The following XIRP2 variants were observed in gnomAD, a reference collection of about 807,000 sequenced individuals.
XIRP2 encodes the protein xin actin binding repeat containing 2, also known as xin actin-binding repeat-containing protein 2.
Under a neutral mutation model 277.0 loss-of-function variants are expected in XIRP2, and 236 were observed. The ratio of observed to expected loss-of-function variants is 0.85; its 90% CI spans 0.77 to 0.95. XIRP2 has a LOEUF of 0.95. XIRP2 is among the 40% of genes least tolerant of loss of function. The pLI is 0.00. For synonymous variants in XIRP2, 1,490 were observed against 1,416.5 expected, an observed-to-expected ratio of 1.05 and a Z score of -1.17; for missense variants, 4,640 against 4,157.5, an observed-to-expected ratio of 1.12 and a Z score of -3.19.
At chr2:167,129,731 G>A (rs1208896927) in intron 2 of XIRP2, among the ~76,000 whole-genome samples, 4 of 151,834 alleles carry the variant, frequency 2.6e-5, no homozygotes, top group South Asian at 2.1e-4. Flanking sequence ...TTAGGCAGGC[G>A]TGGTGGCGCA....
At chr2:166,917,825 T>C (rs1684930874) in intron 2 of XIRP2, among the ~76,000 whole-genome samples, 1 of 152,134 alleles carries the variant, frequency 6.6e-6, no homozygotes, top group South Asian at 2.1e-4. Flanking sequence ...TTACCCAGCC[T>C]ATCTTTCTTA....
At chr2:167,205,033 TC>T (rs1693817368) in intron 3 of XIRP2, among the ~76,000 whole-genome samples, 1 of 152,176 alleles carries the variant, frequency 6.6e-6, no homozygotes, top group Non-Finnish European at 1.5e-5. Context: ...CACAGTTTCA[TC>T]CCCTTTCTGC....
rs1389385656 is a variant in XIRP2 at position 167,242,903 on chromosome 2, A to G, written c.1511A>G (p.His504Arg). 2 of 1,614,064 alleles carry G rather than the reference A, an allele frequency of 1.2e-6. No homozygotes were observed. The highest frequency in any genetic ancestry group is 1.1e-5 in the South Asian group (1 of 91,058). ...TATGAATTAAACCGTTTATATAAAC[A>G]CATCCATCCTGAGTTAAGAAAAAAC... Reference protein sequence around the residue: ...NLYELNRLYKHIHPELRKNLE... With the variant: ...NLYELNRLYKRIHPELRKNLE... Residue 504 changes from histidine (H) to arginine (R), a missense_variant, in exon 9 of 11, where the codon CAC becomes CGC. By Grantham distance (29) the His-to-Arg change is conservative. Transcript: ENST00000409195.
chr2:167,010,140 C>G (rs1221051183), intron 2 of XIRP2, among the ~76,000 whole-genome samples: 2 of 152,100 alleles, frequency 1.3e-5, no homozygotes, highest in Non-Finnish European at 2.9e-5. Flanking sequence ...AGTCCTTGCC[C>G]ATGCCTATGT....
intron 2 of XIRP2, among the ~76,000 whole-genome samples, chr2:167,099,429 A>C (rs1690425763): frequency 6.6e-6 from 1 of 152,158 alleles, no homozygotes; most frequent in African/African-American, 2.4e-5. Flanking sequence ...AAGACAGTGC[A>C]TCTTAACTTG....
intron 2 of XIRP2, among the ~76,000 whole-genome samples, chr2:167,005,574 C>A (rs190175795): frequency 6.6e-6 from 1 of 151,660 alleles, no homozygotes; most frequent in African/African-American, 2.4e-5. Flanking sequence ...GATTATTCAA[C>A]GTAAAATAGA....
intron 2 of XIRP2, among the ~76,000 whole-genome samples, chr2:167,097,455 A>G (rs556875129): frequency 1.4e-3 from 213 of 152,218 alleles, no homozygotes; most frequent in Non-Finnish European, 2.6e-3. Flanking sequence ...GTCTTCACAC[A>G]TGAGATGGGT....
At chr2:166,915,849 A>C (rs1051449426) in intron 2 of XIRP2, among the ~76,000 whole-genome samples, 1 of 152,182 alleles carries the variant, frequency 6.6e-6, no homozygotes, top group African/African-American at 2.4e-5. Context: ...TACTGTTTCT[A>C]TCATTTATTT....
rs529181311 is a variant in XIRP2, at chr2:167,258,706, T to C, written c.*889T>C. ...ATGTAGCAGTCTCATATCTGAATAA[T>C]TGCAGGCAGAAGACATCTATTTTAG... On this transcript the variant is annotated 3_prime_UTR_variant, in exon 11 of 11. Coordinates refer to ENST00000409195, the MANE Select transcript of XIRP2 (RefSeq NM_152381.6). 6.8e-6 allele frequency: 11 copies of C among 1,613,194 alleles called. No individual in the cohort carries two copies. The Admixed American group carries it at 1.8e-4, about 27-fold the overall frequency.
rs1224697068 is a variant in XIRP2 at position 167,248,001 on chromosome 2, T to A, written c.6609T>A (p.Asn2203Lys). Residue 2203 changes from asparagine (N) to lysine (K), a missense_variant, in exon 9 of 11, where the codon AAT becomes AAA. Coordinates refer to ENST00000409195, the MANE Select transcript of XIRP2 (RefSeq NM_152381.6). The part of the protein sequence containing the change: ...KYSNKDIKKK[N>K]INLQPMWQLL... ...CTAATAAGGATATAAAGAAAAAGAATATAAACCTTCAACCAATGTGGCAGC... is the reference window on the plus strand; with the variant it reads ...CTAATAAGGATATAAAGAAAAAGAAAATAAACCTTCAACCAATGTGGCAGC... The A allele has an allele frequency of 1.2e-6, 2 of 1,612,846 alleles. No homozygotes were observed. The highest frequency in any genetic ancestry group is 1.7e-6 in the Non-Finnish European group (2 of 1,179,538).
chr2:166,890,940 C>G (rs1001889678), intron 1 of XIRP2, among the ~76,000 whole-genome samples: 1 of 152,162 alleles, frequency 6.6e-6, no homozygotes, highest in Non-Finnish European at 1.5e-5. Flanking sequence ...GAGTACCTAG[C>G]ACAAACAGGG....
chr2:166,983,278 T>A (rs1259178310), intron 2 of XIRP2, among the ~76,000 whole-genome samples: 1 of 152,214 alleles, frequency 6.6e-6, no homozygotes. Context: ...TCATTTATTA[T>A]AATTTTTCAT....
chr2:167,179,053 T>G (rs1211987019), intron 3 of XIRP2, among the ~76,000 whole-genome samples: 1 of 152,136 alleles, frequency 6.6e-6, no homozygotes, highest in Non-Finnish European at 1.5e-5. Context: ...ACTAGATCCT[T>G]GAATCATTAC....
intron 5 of XIRP2, among the ~76,000 whole-genome samples, chr2:167,220,783 TCAG>T (rs1206840819): frequency 6.6e-6 from 1 of 152,216 alleles, no homozygotes; most frequent in African/African-American, 2.4e-5. Context: ...ATGGAAGTTC[TCAG>T]CATATGGTTT....
At chr2:167,189,936 A>G (rs1233687115) in intron 3 of XIRP2, among the ~76,000 whole-genome samples, 2 of 152,146 alleles carry the variant, frequency 1.3e-5, no homozygotes, top group East Asian at 3.9e-4. Context: ...CAACCTGACT[A>G]GTGATTAAGG....
In XIRP2 at chr2:167,259,065, C is replaced by A. The variant is rs1383172239; in HGVS notation, c.*1248C>A. The stretch of plus-strand genomic sequence containing the variant: ...AATTTACACTTTTTCTTTTCTAACA[C>A]CGTGAAAATCACTGCATTTTCCAAG... On this transcript the variant is annotated 3_prime_UTR_variant, in exon 11 of 11. Transcript: ENST00000409195. 4 of 1,611,214 alleles carry A rather than the reference C, an allele frequency of 2.5e-6. No individual in the cohort carries two copies. The African/African-American group carries it at 5.3e-5, about 22-fold the overall frequency.
chr2:166,895,277 A>T (rs1326958449), intron 1 of XIRP2, among the ~76,000 whole-genome samples: 4 of 152,186 alleles, frequency 2.6e-5, no homozygotes, highest in Non-Finnish European at 1.5e-5. Context: ...GCTTCATTTC[A>T]GGTCATTGGT....
At chr2:167,130,514 C>T (rs1323024313) in intron 2 of XIRP2, among the ~76,000 whole-genome samples, 1 of 152,228 alleles carries the variant, frequency 6.6e-6, no homozygotes, top group East Asian at 1.9e-4. Flanking sequence ...CTACTCCCTA[C>T]AAACTAAAGC....
chr2:167,071,742 C>G (rs969205542), intron 2 of XIRP2, among the ~76,000 whole-genome samples: 1 of 152,192 alleles, frequency 6.6e-6, no homozygotes, highest in Admixed American at 6.5e-5. Context: ...GACCCTACTT[C>G]TTCTGGAAGC....
Sources: allele counts gnomAD v4.1 joint callset (sites outside exome capture counted in the v4.1 genomes callset), GRCh38; gene constraint gnomAD v4.1.1; transcripts MANE v1.5; gene names NCBI Gene and HGNC (gene_info 2026-07-23, HGNC 2026-07-21).